Variants in HLA-G observed in about 807,000 individuals in gnomAD.
HLA-G encodes the protein HLA class I histocompatibility antigen, alpha chain G.
HLA-G carries 34 observed loss-of-function variants against 39.3 expected under a neutral mutation model. That is an observed-to-expected ratio of 0.86 (90% CI 0.66 to 1.15). The LOEUF (loss-of-function observed/expected upper bound fraction) is 1.15. HLA-G is among the 50% of genes most tolerant of loss of function. The pLI is 0.00. For missense variants in HLA-G, 419 were observed against 456.4 expected (o/e 0.92, Z 0.75); for synonymous variants, 183 against 185.8 (o/e 0.99, Z 0.12).
In HLA-G at chr6:29,828,590, G is replaced by C. The variant is rs1314779801; in HGVS notation, c.391G>C (p.Gly131Arg). The C allele has an allele frequency of 1.2e-6, 2 of 1,612,960 alleles. No individual in the cohort carries two copies. The highest frequency in any genetic ancestry group is 1.7e-6 in the Non-Finnish European group (2 of 1,180,014). The part of the protein sequence containing the change: ...WMIGCDLGSD[G>R]RLLRGYEQYA... ...GATTGGCTGCGACCTGGGGTCCGAC[G>C]GACGCCTCCTCCGCGGGTATGAACA... Residue 131 changes from glycine (G) to arginine (R), a missense_variant, in exon 3 of 7, where the codon GGA (glycine) becomes CGA (arginine). Physicochemically the swap from Gly to Arg is moderately radical, Grantham distance 125. Transcript: ENST00000360323.
chr6:29,827,151 C>A, upstream of HLA-G: 1 of 468,386 alleles, frequency 2.1e-6, no homozygotes, highest in Middle Eastern at 3.3e-4. Context: ...CATTTATATA[C>A]CAACAGGCCA....
At chr6:29,827,951 C>T (rs762230271) in intron 1 of HLA-G, 34 bp downstream of exon 1, 7 of 1,595,128 alleles carry the variant, frequency 4.4e-6, no homozygotes, top group Non-Finnish European at 5.1e-6. Context: ...ACAGCCCCTG[C>T]GCGGAGGAGG....
At position 29,829,476 on chromosome 6, in the gene HLA-G, G is replaced by T; in HGVS notation, c.678G>T (p.Arg226Ser). 6.2e-7 allele frequency: 1 copy of T among 1,613,886 alleles called. No homozygotes were observed. Among genetic ancestry groups the T allele is most frequent in the Non-Finnish European group, 8.5e-7 (1 of 1,179,862 alleles). The stretch of plus-strand genomic sequence containing the variant: ...TCTTTGACTATGAGGCCACCCTGAG[G>T]TGCTGGGCCCTGGGCTTCTACCCTG... ...HPVFDYEATL[R>S]CWALGFYPAE... Residue 226 changes from arginine to serine, a missense_variant, in exon 4 of 7, where the codon AGG (arginine) becomes AGT (serine). Arg to Ser is a moderately radical substitution (Grantham distance 110). Around this residue, in one of 2 missense-constraint regions of HLA-G, gnomAD observed 328 missense variants for 323.0 expected, o/e 1.02. Coordinates refer to ENST00000360323, the MANE Select transcript of HLA-G (RefSeq NM_001384290.1).
At chr6:29,827,221 C>T (rs1760746999), upstream of HLA-G, among the ~76,000 whole-genome samples, 1 of 152,132 alleles carries the variant, frequency 6.6e-6, no homozygotes, top group South Asian at 2.1e-4. Context: ...GGTTATGCTA[C>T]CCACTATAGT....
rs376635255 is a variant in HLA-G, at chr6:29,830,380, T to A, written c.1015T>A (p.Ter339ArgextTer11). ...AVLWRKKSSD[*>R] ...CACAGGACATTTTCTTCCCACAGATTGAAAAGGAGGGAGCTACTCTCAGGC... is the reference window on the plus strand; with the variant it reads ...CACAGGACATTTTCTTCCCACAGATAGAAAAGGAGGGAGCTACTCTCAGGC... The change falls in exon 6 of 7, where the codon TGA becomes AGA. Residue 339 changes from the stop codon to arginine, a stop_lost and splice_region_variant. Transcript: ENST00000360323. 14 of 1,613,588 alleles carry A rather than the reference T, an allele frequency of 8.7e-6. No homozygotes were observed. The highest frequency in any genetic ancestry group is 1.6e-4 in the Middle Eastern group (1 of 6,062).
Position 29,829,506 on chromosome 6 carries a change from G to A in HLA-G, c.708G>A (p.Glu236=). ...GGGCCCTGGGCTTCTACCCTGCGGA[G>A]ATCATACTGACCTGGCAGCGGGATG... is the stretch of plus-strand genomic sequence containing the variant. ...RCWALGFYPA[E]IILTWQRDGE... The change falls in exon 4 of 7, where the codon GAG becomes GAA. Residue 236 remains glutamate, a synonymous_variant. Coordinates refer to ENST00000360323, the MANE Select transcript of HLA-G (RefSeq NM_001384290.1). The A allele has an allele frequency of 6.2e-7, 1 of 1,613,854 alleles. No homozygotes were observed. Among genetic ancestry groups the A allele is most frequent in the South Asian group, 1.1e-5 (1 of 91,054 alleles).
Position 29,829,614 on chromosome 6 carries a change from G to A in HLA-G, c.816G>A (p.Val272=), listed in dbSNP as rs752263304. Reference sequence around the variant, plus strand: ...CCTTCCAGAAGTGGGCAGCTGTGGTGGTGCCTTCTGGAGAGGAGCAGAGAT... The same window carrying A: ...CCTTCCAGAAGTGGGCAGCTGTGGTAGTGCCTTCTGGAGAGGAGCAGAGAT... The part of the protein sequence containing the change: ...DGTFQKWAAV[V]VPSGEEQRYT... The change falls in exon 4 of 7, where the codon GTG becomes GTA. Residue 272 remains valine (V), a synonymous_variant. Transcript: ENST00000360323. 2.5e-6 allele frequency: 4 copies of A among 1,614,068 alleles called. No homozygotes were observed. In the South Asian group the frequency reaches 3.3e-5, roughly 13 times the overall value.
rs758613787 is a variant in HLA-G at position 29,829,851 on chromosome 6, A to G, written c.931A>G (p.Ile311Val). The change falls in exon 5 of 7, where the codon ATC becomes GTC. Residue 311 changes from isoleucine (I) to valine (V), a missense_variant. Physicochemically the swap from Ile to Val is conservative, Grantham distance 29. Coordinates refer to ENST00000360323, the MANE Select transcript of HLA-G (RefSeq NM_001384290.1). ...CCTGCCCACCATCCCCATCATGGGT[A>G]TCGTTGCTGGCCTGGTTGTCCTTGC... The part of the protein sequence containing the change: ...SSLPTIPIMG[I>V]VAGLVVLAAV... 5 of 1,613,932 alleles carry G rather than the reference A, an allele frequency of 3.1e-6. No individual in the cohort carries two copies. The highest frequency in any genetic ancestry group is 4.2e-6 in the Non-Finnish European group (5 of 1,179,904).
At position 29,829,421 on chromosome 6, in the gene HLA-G, C is replaced by A. The variant is rs1456557492; in HGVS notation, c.623C>A (p.Pro208His). Residue 208 changes from proline to histidine, a missense_variant, in exon 4 of 7, where the codon CCC becomes CAC. This residue lies in a region of HLA-G where 328 missense variants were observed against 323.0 expected (regional missense o/e 1.02). Coordinates refer to ENST00000360323, the MANE Select transcript of HLA-G (RefSeq NM_001384290.1). Reference sequence around the variant, plus strand: ...ATTTTCTGACTCTTCCTTTCAGACCCCCCCAAGACACACGTGACCCACCAC... The same window carrying A: ...ATTTTCTGACTCTTCCTTTCAGACCACCCCAAGACACACGTGACCCACCAC... The part of the protein sequence containing the change: ...NGKEMLQRAD[P>H]PKTHVTHHPV... The A allele has an allele frequency of 6.2e-7, 1 of 1,613,264 alleles. No individual in the cohort carries two copies. The highest frequency in any genetic ancestry group is 8.5e-7 in the Non-Finnish European group (1 of 1,179,502).
chr6:29,828,579 T>G lies in HLA-G; in HGVS notation c.380T>G (p.Leu127Arg). 6.2e-7 allele frequency: 1 copy of G among 1,612,990 alleles called. No individual in the cohort carries two copies. Among genetic ancestry groups the G allele is most frequent in the East Asian group, 2.2e-5 (1 of 44,868 alleles). Residue 127 changes from leucine (L) to arginine (R), a missense_variant, in exon 3 of 7, where the codon CTG (leucine) becomes CGG (arginine). Transcript: ENST00000360323. ...CTCCAGTGGATGATTGGCTGCGACCTGGGGTCCGACGGACGCCTCCTCCGC... is the reference window on the plus strand; with the variant it reads ...CTCCAGTGGATGATTGGCTGCGACCGGGGGTCCGACGGACGCCTCCTCCGC... ...HTLQWMIGCD[L>R]GSDGRLLRGY...
chr6:29,828,668 T>C lies in HLA-G; in HGVS notation c.469T>C (p.Trp157Arg), dbSNP rs867319917. Residue 157 changes from tryptophan to arginine, a missense_variant, in exon 3 of 7, where the codon TGG (tryptophan) becomes CGG (arginine). Physicochemically the swap from Trp to Arg is moderately radical, Grantham distance 101. Coordinates refer to ENST00000360323, the MANE Select transcript of HLA-G (RefSeq NM_001384290.1). ...YLALNEDLRS[W>R]TAADTAAQIS... ...CGCCCTGAACGAGGACCTGCGCTCCTGGACCGCAGCGGACACTGCGGCTCA... is the reference window on the plus strand; with the variant it reads ...CGCCCTGAACGAGGACCTGCGCTCCCGGACCGCAGCGGACACTGCGGCTCA... The C allele has an allele frequency of 1.4e-5, 23 of 1,613,466 alleles. No individual in the cohort carries two copies. In the Middle Eastern group the frequency reaches 1.6e-3, roughly 115 times the overall value.
chr6:29,828,868 C>CAAGG, intron 3 of HLA-G, 50 bp downstream of exon 3: 1 of 1,611,964 alleles, frequency 6.2e-7, no homozygotes, highest in Non-Finnish European at 8.5e-7. Flanking sequence ...ACCTCTCAGC[C>CAAGG]TGGCCTAGCA....
At chr6:29,830,293 C>A (rs1035938414) in intron 5 of HLA-G, 85 bp from the exon 6 acceptor site, 2 of 1,472,270 alleles carry the variant, frequency 1.4e-6, no homozygotes, top group African/African-American at 1.4e-5. Context: ...GGAAACTTCT[C>A]GAGGGTCCAA....
chr6:29,829,681 A>T lies in HLA-G; in HGVS notation c.883A>T (p.Met295Leu), dbSNP rs1212068397. The change falls in exon 4 of 7, where the codon ATG (methionine) becomes TTG (leucine). Residue 295 changes from methionine to leucine, a missense_variant. Met to Leu is a conservative substitution (Grantham distance 15). Transcript: ENST00000360323. ...VQHEGLPEPL[M>L]LRWKQSSLPT... ...GCATGAGGGGCTGCCGGAGCCCCTC[A>T]TGCTGAGATGGAGTAAGGAGGGAGA... The T allele has an allele frequency of 6.2e-7, 1 of 1,612,660 alleles. No individual in the cohort carries two copies. Among genetic ancestry groups the T allele is most frequent in the Admixed American group, 1.7e-5 (1 of 59,628 alleles).
At chr6:29,828,423 G>C (rs1760897014) in intron 2 of HLA-G, 107 bp downstream of exon 2, 1 of 1,550,036 alleles carries the variant, frequency 6.5e-7, no homozygotes. Flanking sequence ...CCGAGGCCGC[G>C]GGACCCGCCC....
At position 29,828,792 on chromosome 6, in the gene HLA-G, A is replaced by G. The variant is rs767964419; in HGVS notation, c.593A>G (p.Asn198Ser). 3.7e-6 allele frequency: 6 copies of G among 1,614,060 alleles called. No homozygotes were observed. The highest frequency in any genetic ancestry group is 4.2e-6 in the Non-Finnish European group (5 of 1,180,002). ...GAGTGGCTCCACAGATACCTGGAGA[A>G]CGGGAAGGAGATGCTGCAGCGCGCG... ...CVEWLHRYLE[N>S]GKEMLQRADP... Residue 198 changes from asparagine to serine, a missense_variant, in exon 3 of 7, where the codon AAC becomes AGC. Coordinates refer to ENST00000360323, the MANE Select transcript of HLA-G (RefSeq NM_001384290.1).
In HLA-G at chr6:29,828,168, G is replaced by T. The variant is rs9258495; in HGVS notation, c.195G>T (p.Ala65=). The T allele has an allele frequency of 1.2e-3, 1,968 of 1,613,374 alleles. 17 individuals are homozygous for T. The highest frequency in any genetic ancestry group is 6.5e-3 in the South Asian group (596 of 91,082). Residue 65 remains alanine (A), a synonymous_variant, in exon 2 of 7, where the codon GCG becomes GCT. Transcript: ENST00000360323. ...TCGTGCGGTTCGACAGCGACTCGGC[G>T]TGTCCGAGGATGGAGCCGCGGGCGC... ...TQFVRFDSDS[A]CPRMEPRAPW...
At chr6:29,828,459 A>G (rs1581663082) in intron 2 of HLA-G, 84 bp from the exon 3 acceptor site, 1 of 1,451,590 alleles carries the variant, frequency 6.9e-7, no homozygotes, top group Non-Finnish European at 9.0e-7. Context: ...GAGAACCCCA[A>G]GGCGCCTTTA....
intron 5 of HLA-G, 131 bp downstream of exon 5, chr6:29,830,063 C>T (rs1447571122): frequency 2.7e-6 from 2 of 730,046 alleles, no homozygotes; most frequent in African/African-American, 3.5e-5. Flanking sequence ...CAGCCTGGGC[C>T]CTGTGTGCCA....
Sources: gnomAD v4.1 joint callset for allele counts (sites outside exome capture counted in the v4.1 genomes callset) on GRCh38, gnomAD v4.1.1 for gene constraint, gnomAD v4.1.1 regional missense constraint, MANE v1.5 for transcripts, NCBI Gene and HGNC (gene_info 2026-07-23, HGNC 2026-07-21) for gene names.